ANK3: variants seen among roughly 807,000 people sequenced by gnomAD.
The protein encoded by ANK3 is ankyrin-3.
Under a neutral mutation model 370.9 loss-of-function variants are expected in ANK3, and 57 were observed. The observed-to-expected ratio is 0.15, with a 90% CI of 0.12 to 0.19. The LOEUF is 0.19. ANK3 is among the 10% of genes least tolerant of loss of function. The pLI, the probability that ANK3 is intolerant of heterozygous loss-of-function variation, is 1.00. For synonymous variants in ANK3, 1,929 were observed against 1,946.3 expected, an observed-to-expected ratio of 0.99 and a Z score of 0.23; for missense variants, 4,439 against 5,302.1, an observed-to-expected ratio of 0.84 and a Z score of 5.06.
At chr10:60,439,025 A>G (rs1306529647) in intron 2 of ANK3, among the ~76,000 whole-genome samples, 1 of 152,210 alleles carries the variant, frequency 6.6e-6, no homozygotes, top group African/African-American at 2.4e-5. Flanking sequence ...GTTTAAAATA[A>G]TATTTTTTTC....
At chr10:60,651,784 T>C (rs1445160927) in intron 1 of ANK3, among the ~76,000 whole-genome samples, 2 of 152,118 alleles carry the variant, frequency 1.3e-5, no homozygotes, top group East Asian at 3.9e-4. Flanking sequence ...CTAAGAATAG[T>C]GCCCAGCATA....
intron 1 of ANK3, among the ~76,000 whole-genome samples, chr10:60,723,734 G>A (rs1244314066): frequency 1.3e-5 from 2 of 152,034 alleles, no homozygotes; most frequent in African/African-American, 4.8e-5. Flanking sequence ...ACAAAAATGT[G>A]CAGCATACAT....
chr10:60,145,912 G>GGGAACT lies in ANK3; in HGVS notation c.2615-6826_2615-6825insAGTTCC, dbSNP rs1590803077. 4 of 706,388 alleles carry GGGAACT rather than the reference G, an allele frequency of 5.7e-6. No homozygotes were observed. In the East Asian group the frequency reaches 1.1e-4, roughly 19 times the overall value. The allele number at this position is 706,388 out of a possible 1,614,324, so 43.8% of individuals were successfully genotyped here. On this transcript the variant is annotated intron_variant, in intron 23 of 43. Transcript: ENST00000280772. ...AATGTGGAATGAATGAAAGAGCAGT[G>GGGAACT]ATTGCCTTTCAAAATGGGAACTATA...
chr10:60,076,541 C>A, intron 36 of ANK3, 93 bp from the exon 37 acceptor site: 2 of 1,432,710 alleles, frequency 1.4e-6, no homozygotes, highest in Non-Finnish European at 1.8e-6. Flanking sequence ...GGTCAGTAAA[C>A]TTTGAAATAT....
intron 8 of ANK3, among the ~76,000 whole-genome samples, chr10:60,222,873 C>A (rs2097085060): frequency 1.3e-5 from 2 of 152,180 alleles, no homozygotes; most frequent in Non-Finnish European, 2.9e-5. Flanking sequence ...TCTTTGAAAT[C>A]TTTTCACAAA....
At chr10:60,047,786 G>A (rs760065100) in intron 42 of ANK3, among the ~76,000 whole-genome samples, 1 of 152,086 alleles carries the variant, frequency 6.6e-6, no homozygotes, top group Non-Finnish European at 1.5e-5. Context: ...TTTTACCTTT[G>A]CAGTTACTGG....
intron 8 of ANK3, among the ~76,000 whole-genome samples, chr10:60,223,299 C>T (rs1238302915): frequency 6.6e-6 from 1 of 152,208 alleles, no homozygotes; most frequent in African/African-American, 2.4e-5. Context: ...CTGACCTCAA[C>T]CCTACTCCTT....
At position 60,196,213 on chromosome 10, in the gene ANK3, G is replaced by A; in HGVS notation, c.1819C>T (p.His607Tyr). 3.7e-6 allele frequency: 6 copies of A among 1,614,072 alleles called. No individual in the cohort carries two copies. Among genetic ancestry groups the A allele is most frequent in the Non-Finnish European group, 5.1e-6 (6 of 1,179,964 alleles). ...AGGGCCACTTTCTGATTATCGTAAT[G>A]TGCAGCTACATGCAGTGGTGTTAGC... ...SGLTPLHVAA[H>Y]YDNQKVALLL... is the part of the protein sequence containing the mutation. The change falls in exon 16 of 44, where the codon CAT becomes TAT. Residue 607 changes from histidine to tyrosine, a missense_variant. Physicochemically the swap from His to Tyr is moderately conservative, Grantham distance 83. Around this residue, in one of 13 missense-constraint regions of ANK3, gnomAD observed 192 missense variants for 192.1 expected, o/e 1.00. Transcript: ENST00000280772.
At chr10:60,082,423 A>G (rs2085496270) in intron 34 of ANK3, 192 bp downstream of exon 34, 1 of 792,016 alleles carries the variant, frequency 1.3e-6, no homozygotes, top group Admixed American at 3.0e-5. Flanking sequence ...CGATAAACAG[A>G]GAAGACTCCA....
intron 2 of ANK3, among the ~76,000 whole-genome samples, chr10:60,583,504 G>GTTTTT (rs1567163686): frequency 2.3e-5 from 3 of 132,000 alleles, no homozygotes; most frequent in African/African-American, 8.3e-5. Flanking sequence ...TTACAGAGAG[G>GTTTTT]TTTTTTGTTT....
At chr10:60,341,401 T>C (rs908878251) in intron 1 of ANK3, among the ~76,000 whole-genome samples, 2 of 152,122 alleles carry the variant, frequency 1.3e-5, no homozygotes, top group Non-Finnish European at 2.9e-5. Flanking sequence ...ATTAAGTTTT[T>C]CAAGGGCACA....
chr10:60,522,068 G>A (rs1292657040), intron 2 of ANK3, among the ~76,000 whole-genome samples: 1 of 152,044 alleles, frequency 6.6e-6, no homozygotes, highest in African/African-American at 2.4e-5. Flanking sequence ...GTAAGAAAAT[G>A]TCAGCTCCAA....
chr10:60,184,189 G>A (rs897436110), intron 17 of ANK3, among the ~76,000 whole-genome samples: 1 of 152,102 alleles, frequency 6.6e-6, no homozygotes, highest in South Asian at 2.1e-4. Flanking sequence ...TTTTAGCAAG[G>A]AAATAAAATG....
chr10:60,496,714 T>C (rs1001265760), intron 2 of ANK3, among the ~76,000 whole-genome samples: 1 of 143,476 alleles, frequency 7.0e-6, no homozygotes, highest in Non-Finnish European at 1.5e-5. Context: ...TGGTATTCTC[T>C]GCATAACTTT....
rs555623523 is a variant in ANK3, at chr10:60,436,058, C to T, written c.97-156419G>A. On this transcript the variant is annotated intron_variant, in intron 2 of 43. Transcript: ENST00000373827. ...AGCGGAGATCGCGCCACAGCACTCC[C>T]GCCTGGGCGACAAGAACGAGACTCC... is the stretch of plus-strand genomic sequence containing the variant. Among the ~76,000 whole-genome samples, 147 of 150,546 alleles carry T rather than the reference C, an allele frequency of 9.8e-4. 1 individual carries two copies. Among genetic ancestry groups the T allele is most frequent in the Non-Finnish European group, 1.8e-3 (125 of 67,788 alleles).
At chr10:60,045,959 GT>G (rs1187319209) in intron 42 of ANK3, among the ~76,000 whole-genome samples, 2 of 151,104 alleles carry the variant, frequency 1.3e-5, no homozygotes, top group Admixed American at 6.6e-5. Context: ...TGTTCTTACA[GT>G]TTGTGGGTGC....
In ANK3 at chr10:60,070,913, A is replaced by C. The variant is rs151005010; in HGVS notation, c.9968T>G (p.Ile3323Ser). Reference protein sequence around the residue: ...DVSDSSDDESIYQPVPVKKYT... With the variant: ...DVSDSSDDESSYQPVPVKKYT... Reference sequence around the variant, plus strand: ...TTTTTTAACTGGGACTGGCTGATAAATAGATTCGTCATCGCTTGAATCACT... The same window carrying C: ...TTTTTTAACTGGGACTGGCTGATAACTAGATTCGTCATCGCTTGAATCACT... The change falls in exon 37 of 44, where the codon ATT (isoleucine) becomes AGT (serine). Residue 3323 changes from isoleucine to serine, a missense_variant. Around this residue, in one of 13 missense-constraint regions of ANK3, gnomAD observed 1,601 missense variants for 1,731.7 expected, o/e 0.92. Coordinates refer to ENST00000280772, the MANE Select transcript of ANK3 (RefSeq NM_020987.5). This position sits in a 1 kb window ranked among gnomAD's most constrained non-coding sequence, Gnocchi z 5.7. The C allele has an allele frequency of 5.6e-6, 9 of 1,613,958 alleles. No individual in the cohort carries two copies. Among genetic ancestry groups the C allele is most frequent in the African/African-American group, 4.0e-5 (3 of 74,916 alleles).
chr10:60,211,917 A>T (rs1377340761), intron 9 of ANK3, among the ~76,000 whole-genome samples: 1 of 151,556 alleles, frequency 6.6e-6, no homozygotes, highest in Non-Finnish European at 1.5e-5. Flanking sequence ...AAAAAAAGGA[A>T]AAAAAGGAAA....
chr10:60,700,127 T>C (rs187541478), intron 1 of ANK3, among the ~76,000 whole-genome samples: 140 of 152,268 alleles, frequency 9.2e-4, no homozygotes, highest in African/African-American at 3.3e-3. Flanking sequence ...GTTTTGCTTT[T>C]AGTGGGCTAG....
Sources: gnomAD v4.1 joint callset for allele counts (sites outside exome capture counted in the v4.1 genomes callset) on GRCh38, gnomAD v4.1.1 for gene constraint, gnomAD v4.1.1 regional missense constraint, Gnocchi (gnomAD v3.1) non-coding constraint, MANE v1.5 for transcripts, NCBI Gene and HGNC (gene_info 2026-07-23, HGNC 2026-07-21) for gene names.